The following DPP10 variants were observed in gnomAD, a reference collection of about 807,000 sequenced individuals.
DPP10 encodes the protein dipeptidyl peptidase like 10, also known as inactive dipeptidyl peptidase 10.
A neutral mutation model predicts 120.9 loss-of-function variants in DPP10; 33 were observed. That is an observed-to-expected ratio of 0.27 (90% confidence interval 0.21 to 0.37). The LOEUF (loss-of-function observed/expected upper bound fraction) is 0.37. DPP10 is among the 10% of genes least tolerant of loss of function. The pLI, the probability that DPP10 is intolerant of heterozygous loss-of-function variation, is 1.00. For synonymous variants in DPP10, 337 were observed against 326.1 expected (o/e 1.03, Z -0.36); for missense variants, 816 against 942.8 (o/e 0.87, Z 1.76).
chr2:114,572,118 A>G (rs896138863), intron 1 of DPP10, among the ~76,000 whole-genome samples: 3 of 151,832 alleles, frequency 2.0e-5, no homozygotes, highest in African/African-American at 4.8e-5. Flanking sequence ...ACAAACATGT[A>G]TGCACAAGGA....
At chr2:114,544,293 G>A (rs900836761) in intron 1 of DPP10, among the ~76,000 whole-genome samples, 6 of 152,186 alleles carry the variant, frequency 3.9e-5, no homozygotes, top group Non-Finnish European at 5.9e-5. Context: ...AGCCCCACGA[G>A]GCAAGAACGC....
chr2:115,784,201 AG>A (rs1683088728), intron 17 of DPP10, among the ~76,000 whole-genome samples: 1 of 152,230 alleles, frequency 6.6e-6, no homozygotes, highest in South Asian at 2.1e-4. Flanking sequence ...TCTTTTCAAA[AG>A]ATAATTACTT....
chr2:115,275,279 TA>T (rs2059864986), intron 1 of DPP10, among the ~76,000 whole-genome samples: 2 of 152,226 alleles, frequency 1.3e-5, no homozygotes, highest in South Asian at 4.1e-4. Context: ...GATTAAATAA[TA>T]GTCTCTCTCT....
At chr2:114,995,349 C>T (rs1701012762) in intron 1 of DPP10, among the ~76,000 whole-genome samples, 1 of 152,124 alleles carries the variant, frequency 6.6e-6, no homozygotes, top group Admixed American at 6.5e-5. Flanking sequence ...CTCTTTCCCC[C>T]ATTCCTAGAA....
intron 15 of DPP10, among the ~76,000 whole-genome samples, chr2:115,778,924 G>C (rs561261076): frequency 6.6e-6 from 1 of 151,958 alleles, no homozygotes; most frequent in Non-Finnish European, 1.5e-5. Context: ...TTTTGGATTC[G>C]GGATCTTGAT....
chr2:115,087,366 T>C (rs1397641508), intron 1 of DPP10, among the ~76,000 whole-genome samples: 2 of 152,090 alleles, frequency 1.3e-5, no homozygotes, highest in East Asian at 3.9e-4. Flanking sequence ...AATCAATTAG[T>C]ACAAATACTT....
chr2:114,581,267 T>G lies in DPP10; in HGVS notation c.60+138429T>G, dbSNP rs1426909964. The stretch of plus-strand genomic sequence containing the variant: ...TGGCGCATCTTGGCTCACTGCAAGC[T>G]CCACCTCCTGGGTTCACGCCATTCT... On this transcript the variant is annotated intron_variant, in intron 1 of 25. Transcript: ENST00000410059. Among the ~76,000 whole-genome samples, 3 of 134,966 alleles carry G rather than the reference T, an allele frequency of 2.2e-5. No homozygotes were observed. In the Admixed American group the frequency reaches 2.5e-4, roughly 11 times the overall value. 88.5% of individuals were successfully genotyped at this position (134,966 alleles called of 152,430 possible).
chr2:115,061,471 T>C (rs1211659354), intron 1 of DPP10, among the ~76,000 whole-genome samples: 1 of 152,224 alleles, frequency 6.6e-6, no homozygotes, highest in African/African-American at 2.4e-5. Flanking sequence ...CAATAATCTG[T>C]ACACAAATAA....
chr2:115,390,620 C>T (rs1295369600), intron 3 of DPP10, among the ~76,000 whole-genome samples: 2 of 151,974 alleles, frequency 1.3e-5, no homozygotes, highest in East Asian at 1.9e-4. Flanking sequence ...TCAAGTTTAA[C>T]GTTGAGAGAG....
Position 115,459,938 on chromosome 2 carries a change from T to TATATATATATATATATATATATACACAC in DPP10, c.272-39571_272-39570insTATATATATATATATATATATACACACA, listed in dbSNP as rs66927327. ...AAAACATATATTTTATATATATATATACACACACACACCTTTGTTTGCATT... is the reference window on the plus strand; with the variant it reads ...AAAACATATATTTTATATATATATATATATATATATATATATATATATACACACACACACACACACCTTTGTTTGCATT... On this transcript the variant is annotated intron_variant, in intron 3 of 25. Coordinates refer to ENST00000410059, the MANE Select transcript of DPP10 (RefSeq NM_020868.6). Among the ~76,000 whole-genome samples, 163 of 128,472 alleles carry TATATATATATATATATATATATACACAC rather than the reference T, an allele frequency of 1.3e-3. 1 individual carries two copies. The highest frequency in any genetic ancestry group is 4.4e-3 in the African/African-American group (160 of 36,514). 84.3% of individuals were successfully genotyped at this position (128,472 alleles called of 152,430 possible). A position where few individuals can be genotyped will look rare whatever the true frequency, so the allele number is the denominator to read the frequency against.
rs1040600157 is a variant in DPP10 at position 115,845,305 on chromosome 2, A to G, written c.*2960A>G. On this transcript the variant is annotated 3_prime_UTR_variant, in exon 26 of 26. Coordinates refer to ENST00000410059, the MANE Select transcript of DPP10 (RefSeq NM_020868.6). ...GCGGCCACCAACACTGTATGGATACAATCTGGCCTCTCAGCTCTGCTCACT... is the reference window on the plus strand; with the variant it reads ...GCGGCCACCAACACTGTATGGATACGATCTGGCCTCTCAGCTCTGCTCACT... 6.6e-6 allele frequency: 1 copy of G among 152,232 alleles called. No homozygotes were observed. The highest frequency in any genetic ancestry group is 2.4e-5 in the African/African-American group (1 of 41,442). 9.4% of individuals were successfully genotyped at this position (152,232 alleles called of 1,614,324 possible). A position where few individuals can be genotyped will look rare whatever the true frequency, so the allele number is the denominator to read the frequency against.
intron 1 of DPP10, among the ~76,000 whole-genome samples, chr2:114,968,813 C>T (rs997471892): frequency 1.3e-5 from 2 of 152,140 alleles, no homozygotes; most frequent in African/African-American, 4.8e-5. Context: ...TCCAACCATT[C>T]AGATTCTTTC....
intron 3 of DPP10, among the ~76,000 whole-genome samples, chr2:115,407,840 A>G (rs2068638100): frequency 6.6e-6 from 1 of 152,022 alleles, no homozygotes; most frequent in Admixed American, 6.6e-5. Flanking sequence ...ACAATTACCT[A>G]TCAGTGAAGA....
chr2:115,691,349 C>G (rs2091303807), intron 7 of DPP10, among the ~76,000 whole-genome samples: 1 of 152,140 alleles, frequency 6.6e-6, no homozygotes, highest in African/African-American at 2.4e-5. Flanking sequence ...AGTGGGCCTT[C>G]CATGTATAGG....
intron 2 of DPP10, among the ~76,000 whole-genome samples, chr2:115,332,497 G>A (rs2062814532): frequency 6.6e-6 from 1 of 152,066 alleles, no homozygotes; most frequent in South Asian, 2.1e-4. Context: ...TGCTTCTCTA[G>A]TTCTTTTAAT....
chr2:115,511,577 A>T (rs2077224740), intron 4 of DPP10, among the ~76,000 whole-genome samples: 1 of 150,712 alleles, frequency 6.6e-6, no homozygotes, highest in South Asian at 2.1e-4. Flanking sequence ...TTTCCACCTA[A>T]GCTTTTTTAT....
intron 5 of DPP10, among the ~76,000 whole-genome samples, chr2:115,617,002 C>T (rs1439626789): frequency 6.6e-6 from 1 of 151,588 alleles, no homozygotes; most frequent in Non-Finnish European, 1.5e-5. Flanking sequence ...GTCCTCTTTA[C>T]TCCTCCCTCT....
chr2:115,489,644 A>G (rs1163370072), intron 3 of DPP10, among the ~76,000 whole-genome samples: 1 of 151,508 alleles, frequency 6.6e-6, no homozygotes, highest in Non-Finnish European at 1.5e-5. Flanking sequence ...AGCTGGTACA[A>G]TTTGACTTAA....
chr2:114,587,756 A>G (rs1215783758), intron 1 of DPP10, among the ~76,000 whole-genome samples: 2 of 152,178 alleles, frequency 1.3e-5, no homozygotes, highest in African/African-American at 4.8e-5. Flanking sequence ...TAGAGACATA[A>G]TTTTACACAT....
Sources: gnomAD v4.1 joint callset for allele counts (sites outside exome capture counted in the v4.1 genomes callset) on GRCh38, gnomAD v4.1.1 for gene constraint, MANE v1.5 for transcripts, NCBI Gene and HGNC (gene_info 2026-07-23, HGNC 2026-07-21) for gene names.